Variants in ZNF557 observed in about 807,000 individuals in gnomAD.
ZNF557 encodes the protein zinc finger protein 557, also known as CTB-25J19.9.
Under a neutral mutation model 21.2 loss-of-function variants are expected in ZNF557, and 19 were observed. That is an observed-to-expected ratio of 0.90 (90% CI 0.63 to 1.32). ZNF557 has a LOEUF of 1.32. Among genes scored for constraint, ZNF557 ranks in the 40% most tolerant of loss-of-function variants. The pLI, the probability that ZNF557 is intolerant of heterozygous loss-of-function variation, is 0.00. For synonymous variants in ZNF557, 207 were observed against 194.8 expected (o/e 1.06, Z -0.52); for missense variants, 487 against 519.8 (o/e 0.94, Z 0.61).
Position 7,075,524 on chromosome 19 carries a change from AGGTGGATGCTTTGTG to A in ZNF557, c.32-126_32-112del. On this transcript the variant is annotated intron_variant, in intron 3 of 7. Coordinates refer to ENST00000252840, the MANE Select transcript of ZNF557 (RefSeq NM_024341.3). ...GTGGGTTGGTGTTTGCTTGGAGTAG[AGGTGGATGCTTTGTG>A]GGTGACTGTGTATGCATGGGGACCT... 1.4e-5 allele frequency: 12 copies of A among 843,692 alleles called. No individual in the cohort carries two copies. In the South Asian group the frequency reaches 1.8e-4, roughly 13 times the overall value. The allele number at this position is 843,692 out of a possible 1,614,324, so 52.3% of individuals were successfully genotyped here. A position where few individuals can be genotyped will look rare whatever the true frequency, so the allele number is the denominator to read the frequency against.
At chr19:7,080,081 C>T (rs907307238) in intron 5 of ZNF557, among the ~76,000 whole-genome samples, 6 of 152,092 alleles carry the variant, frequency 3.9e-5, no homozygotes, top group South Asian at 2.1e-4. Context: ...GTGGGCGGAT[C>T]ACCTGAGGTC....
Position 7,082,996 on chromosome 19 carries a change from G to A in ZNF557, c.545G>A (p.Cys182Tyr), listed in dbSNP as rs369039499. Residue 182 changes from cysteine (C) to tyrosine (Y), a missense_variant, in exon 8 of 8, where the codon TGC becomes TAC. Coordinates refer to ENST00000252840, the MANE Select transcript of ZNF557 (RefSeq NM_024341.3). ...KIHTGERPYG[C>Y]SECGKSYSSR... ...CATACTGGAGAAAGACCCTATGGCTGCAGTGAATGTGGGAAATCCTACAGC... is the reference window on the plus strand; with the variant it reads ...CATACTGGAGAAAGACCCTATGGCTACAGTGAATGTGGGAAATCCTACAGC... The A allele has an allele frequency of 8.1e-6, 13 of 1,614,190 alleles. No homozygotes were observed. Among genetic ancestry groups the A allele is most frequent in the Non-Finnish European group, 3.4e-6 (4 of 1,180,028 alleles).
At chr19:7,079,494 C>T (rs1183404677) in intron 5 of ZNF557, among the ~76,000 whole-genome samples, 1 of 152,122 alleles carries the variant, frequency 6.6e-6, no homozygotes, top group African/African-American at 2.4e-5. Flanking sequence ...CCCACCTTGG[C>T]CTCCCAAAGT....
rs766435164 is a variant in ZNF557, at chr19:7,082,952, T to C, written c.501T>C (p.Leu167=). The C allele has an allele frequency of 3.7e-6, 6 of 1,613,744 alleles. No individual in the cohort carries two copies. Among genetic ancestry groups the C allele is most frequent in the Non-Finnish European group, 5.1e-6 (6 of 1,179,822 alleles). Residue 167 remains leucine, a synonymous_variant, in exon 8 of 8, where the codon CTT becomes CTC. Transcript: ENST00000252840. ...AAGTCTTCAGCACAAAATCTTCCCT[T>C]ACACGGCACAGGAAGATTCATACTG... ...CFKVFSTKSS[L]TRHRKIHTGE...
intron 2 of ZNF557, among the ~76,000 whole-genome samples, chr19:7,072,665 C>T (rs927252205): frequency 2.0e-5 from 3 of 152,208 alleles, no homozygotes; most frequent in Non-Finnish European, 1.5e-5. Context: ...AAGACCCTAC[C>T]TCGACTCTCA....
At position 7,083,652 on chromosome 19, in the gene ZNF557, A is replaced by G. The variant is rs868211561; in HGVS notation, c.1201A>G (p.Lys401Glu). Residue 401 changes from lysine (K) to glutamate (E), a missense_variant, in exon 8 of 8, where the codon AAA becomes GAA. Lys to Glu is a moderately conservative substitution (Grantham distance 56, BLOSUM62 1). Coordinates refer to ENST00000252840, the MANE Select transcript of ZNF557 (RefSeq NM_024341.3). ...GAAACACATGAGAACTCACACTGGA[A>G]AAAAACCCTATGAATGTAATTATTG... ...VKKHMRTHTG[K>E]KPYECNYCGK... 6.2e-7 allele frequency: 1 copy of G among 1,614,042 alleles called. No homozygotes were observed. Among genetic ancestry groups the G allele is most frequent in the Non-Finnish European group, 8.5e-7 (1 of 1,179,908 alleles).
rs931122445 is a variant in ZNF557, at chr19:7,083,420, C to T, written c.969C>T (p.His323=). ...CAGGGGAGTACCCTTACGAATGCCA[C>T]GATTGTGGGAGAACCTTCAGGAGGA... The part of the protein sequence containing the change: ...IHTGEYPYEC[H]DCGRTFRRRS... Residue 323 remains histidine (H), a synonymous_variant, in exon 8 of 8, where the codon CAC becomes CAT. Transcript: ENST00000252840. 3.7e-6 allele frequency: 6 copies of T among 1,613,986 alleles called. 1 individual carries two copies. Among genetic ancestry groups the T allele is most frequent in the East Asian group, 2.2e-5 (1 of 44,874 alleles).
intron 2 of ZNF557, among the ~76,000 whole-genome samples, chr19:7,071,118 G>A (rs1011335735): frequency 2.0e-5 from 3 of 152,116 alleles, no homozygotes; most frequent in Admixed American, 2.0e-4. Context: ...ATACTAAGGG[G>A]TGTGTGATAA....
In ZNF557 at chr19:7,070,550, C is replaced by T. The variant is rs901053460; in HGVS notation, c.-171-12C>T. On this transcript the variant is annotated splice_polypyrimidine_tract_variant and intron_variant, in intron 1 of 7. Transcript: ENST00000252840. ...AGGCCTCATAAGCGATTTTTGTGCCCTTTTTATTTAGACGAAAAAAGTATA... is the reference window on the plus strand; with the variant it reads ...AGGCCTCATAAGCGATTTTTGTGCCTTTTTTATTTAGACGAAAAAAGTATA... 2.0e-5 allele frequency: 3 copies of T among 152,112 alleles called. No individual in the cohort carries two copies. The highest frequency in any genetic ancestry group is 4.4e-5 in the Non-Finnish European group (3 of 68,018). 9.4% of individuals were successfully genotyped at this position (152,112 alleles called of 1,614,324 possible).
intron 5 of ZNF557, among the ~76,000 whole-genome samples, chr19:7,077,337 T>C (rs1166181651): frequency 1.3e-5 from 2 of 151,922 alleles, no homozygotes; most frequent in African/African-American, 4.8e-5. Flanking sequence ...GGTTTCACCA[T>C]GTTGGCCAGG....
At chr19:7,070,502 A>T (rs1977435859) in intron 1 of ZNF557, 60 bp from the exon 2 acceptor site, 1 of 152,176 alleles carries the variant, frequency 6.6e-6, no homozygotes, top group South Asian at 2.1e-4. Flanking sequence ...ATTTTACTAT[A>T]CGTACATATT....
rs1446874710 is a variant in ZNF557, at chr19:7,086,216, G to A, written c.*2472G>A. ...ACTTCACTCCAGCCTGGGCAAAAGA[G>A]TGCAACTCTGTCTCAAAAAAAAAAA... On this transcript the variant is annotated 3_prime_UTR_variant, in exon 8 of 8. Coordinates refer to ENST00000252840, the MANE Select transcript of ZNF557 (RefSeq NM_024341.3). The A allele has an allele frequency of 3.3e-5, 3 of 90,252 alleles. No individual in the cohort carries two copies. The highest frequency in any genetic ancestry group is 2.1e-5 in the Non-Finnish European group (1 of 46,646). 5.6% of individuals were successfully genotyped at this position (90,252 alleles called of 1,614,324 possible).
intron 3 of ZNF557, among the ~76,000 whole-genome samples, 159 bp from the exon 4 acceptor site, chr19:7,075,496 G>T (rs1977566159): frequency 6.6e-6 from 1 of 152,140 alleles, no homozygotes; most frequent in Non-Finnish European, 1.5e-5. Flanking sequence ...TCCTTGGATT[G>T]CTGTGGGTTG....
chr19:7,074,105 A>T (rs1032771729), intron 2 of ZNF557, among the ~76,000 whole-genome samples: 2 of 150,474 alleles, frequency 1.3e-5, no homozygotes, highest in East Asian at 2.0e-4. Context: ...GGTTCACGCC[A>T]TTCTCCTGCC....
At chr19:7,080,024 G>A (rs542732488) in intron 5 of ZNF557, among the ~76,000 whole-genome samples, 8 of 152,202 alleles carry the variant, frequency 5.3e-5, no homozygotes, top group East Asian at 3.9e-4. Flanking sequence ...TGTGGAGGCC[G>A]GGCGCAGTGG....
In ZNF557 at chr19:7,086,560, A is replaced by G. The variant is rs1020017924; in HGVS notation, c.*2816A>G. The G allele has an allele frequency of 1.3e-5, 2 of 150,930 alleles. No homozygotes were observed. Among genetic ancestry groups the G allele is most frequent in the African/African-American group, 2.4e-5 (1 of 41,102 alleles). 9.3% of individuals were successfully genotyped at this position (150,930 alleles called of 1,614,324 possible). A position where few individuals can be genotyped will look rare whatever the true frequency, so the allele number is the denominator to read the frequency against. ...ATATTTTTAGTAGAAATGGGGTTTCACTGTGTTAGCCAGTATGGTCTCAAT... is the reference window on the plus strand; with the variant it reads ...ATATTTTTAGTAGAAATGGGGTTTCGCTGTGTTAGCCAGTATGGTCTCAAT... On this transcript the variant is annotated 3_prime_UTR_variant, in exon 8 of 8. Coordinates refer to ENST00000252840, the MANE Select transcript of ZNF557 (RefSeq NM_024341.3).
chr19:7,083,615 C>T lies in ZNF557; in HGVS notation c.1164C>T (p.Leu388=). ...CSDCGKSFNV[L]SSVKKHMRTH... Reference sequence around the variant, plus strand: ...ATTGTGGAAAATCCTTTAATGTTCTCTCATCCGTTAAGAAACACATGAGAA... The same window carrying T: ...ATTGTGGAAAATCCTTTAATGTTCTTTCATCCGTTAAGAAACACATGAGAA... The change falls in exon 8 of 8, where the codon CTC becomes CTT. Residue 388 remains leucine (L), a synonymous_variant. Transcript: ENST00000252840. 1 of 1,614,052 alleles carries T rather than the reference C, an allele frequency of 6.2e-7. No individual in the cohort carries two copies. The highest frequency in any genetic ancestry group is 8.5e-7 in the Non-Finnish European group (1 of 1,179,960).
At chr19:7,079,635 CT>C (rs927503237) in intron 5 of ZNF557, among the ~76,000 whole-genome samples, 7 of 152,164 alleles carry the variant, frequency 4.6e-5, no homozygotes, top group African/African-American at 1.7e-4. Flanking sequence ...GATTTCCCCC[CT>C]CCCCAAGGTT....
At chr19:7,076,552 T>G in intron 5 of ZNF557, 45 bp downstream of exon 5, 1 of 1,583,728 alleles carries the variant, frequency 6.3e-7, no homozygotes, top group African/African-American at 1.4e-5. Context: ...ACTCAGGAAG[T>G]CAGTCTTTTT....
Sources: allele counts gnomAD v4.1 joint callset (sites outside exome capture counted in the v4.1 genomes callset), GRCh38; gene constraint gnomAD v4.1.1; transcripts MANE v1.5; gene names NCBI Gene and HGNC (gene_info 2026-07-23, HGNC 2026-07-21).